The following RGS6 variants were observed in gnomAD, a reference collection of about 807,000 sequenced individuals.
RGS6 encodes regulator of G protein signaling 6.
A neutral mutation model predicts 78.5 loss-of-function variants in RGS6; 30 were observed. The ratio of observed to expected loss-of-function variants is 0.38; its 90% CI spans 0.29 to 0.52. The LOEUF is 0.52. Ranked by LOEUF, RGS6 falls within the 20% of genes least tolerant of loss-of-function variation. The probability of loss-of-function intolerance (pLI) is 0.85; values close to 1 mark genes in which losing one functional copy is unlikely to be tolerated. For missense variants in RGS6, 495 were observed against 609.7 expected, an observed-to-expected ratio of 0.81 and a Z score of 1.98; for synonymous variants, 206 against 206.0, an observed-to-expected ratio of 1.00 and a Z score of 0.00.
the RGS6 span, among the ~76,000 whole-genome samples, chr14:72,616,485 G>A: frequency 9.2e-5 from 14 of 152,262 alleles, no homozygotes; most frequent in South Asian, 6.2e-4. Context: ...TGAAGAAGAC[G>A]TCTAACATTG....
intron 2 of RGS6, among the ~76,000 whole-genome samples, chr14:72,259,843 G>A (rs920498332): frequency 1.3e-5 from 2 of 148,780 alleles, no homozygotes; most frequent in African/African-American, 5.0e-5. Context: ...CCCGGGAGGC[G>A]GAGCTTGCAG....
intron 2 of RGS6, among the ~76,000 whole-genome samples, chr14:72,014,610 T>C (rs2086575684): frequency 6.6e-6 from 1 of 152,236 alleles, no homozygotes; most frequent in South Asian, 2.1e-4. Flanking sequence ...TGAGCATTTG[T>C]TCTAAACATG....
chr14:72,545,145 A>G (rs1305575977), intron 17 of RGS6, among the ~76,000 whole-genome samples: 1 of 152,248 alleles, frequency 6.6e-6, no homozygotes, highest in East Asian at 1.9e-4. Flanking sequence ...TTGGCTAAAA[A>G]TCTTTCCAAA....
chr14:72,525,555 G>A lies in RGS6; in HGVS notation c.1278+7018G>A, dbSNP rs576351083. On this transcript the variant is annotated intron_variant, in intron 15 of 17. Transcript: ENST00000553525. ...GCAAAACGTTTATATTATTACCTAAGTGTAGATGTTTAAATGCAACTTGAT... is the reference window on the plus strand; with the variant it reads ...GCAAAACGTTTATATTATTACCTAAATGTAGATGTTTAAATGCAACTTGAT... Among the ~76,000 whole-genome samples, 76 of 152,342 alleles carry A rather than the reference G, an allele frequency of 5.0e-4. 1 individual carries two copies. Among genetic ancestry groups the A allele is most frequent in the African/African-American group, 1.8e-3 (76 of 41,572 alleles).
At chr14:72,463,914 T>C (rs933274101) in intron 6 of RGS6, among the ~76,000 whole-genome samples, 4 of 152,132 alleles carry the variant, frequency 2.6e-5, no homozygotes, top group Non-Finnish European at 5.9e-5. Flanking sequence ...AAGTAGAAAA[T>C]CATTTTTAAA....
intron 2 of RGS6, among the ~76,000 whole-genome samples, chr14:72,143,467 T>C (rs1398805400): frequency 1.3e-5 from 2 of 152,234 alleles, no homozygotes; most frequent in African/African-American, 4.8e-5. Context: ...ATAACATTAA[T>C]TTTTGTTGTA....
intron 2 of RGS6, among the ~76,000 whole-genome samples, chr14:72,052,979 TTC>T (rs2093365298): frequency 1.9e-5 from 1 of 53,688 alleles, no homozygotes; most frequent in African/African-American, 1.0e-4. Context: ...CTTTCTTTCT[TTC>T]TTTCTCTCTC....
At chr14:71,885,817 A>G in the RGS6 span, among the ~76,000 whole-genome samples, 1 of 152,152 alleles carries the variant, frequency 6.6e-6, no homozygotes, top group Non-Finnish European at 1.5e-5. Flanking sequence ...TCTTTCACCC[A>G]TATAGTGTCT....
intron 2 of RGS6, among the ~76,000 whole-genome samples, chr14:72,133,432 A>C (rs2096370651): frequency 6.6e-6 from 1 of 152,172 alleles, no homozygotes; most frequent in Non-Finnish European, 1.5e-5. Context: ...GAGCACACTG[A>C]GACTTTAAGC....
At chr14:72,536,957 T>A (rs1055799225) in intron 16 of RGS6, among the ~76,000 whole-genome samples, 2 of 152,024 alleles carry the variant, frequency 1.3e-5, no homozygotes, top group African/African-American at 4.8e-5. Context: ...GCCCTCAGCA[T>A]GCAGGTGAGG....
chr14:71,875,215 A>C, the RGS6 span, among the ~76,000 whole-genome samples: 1 of 152,190 alleles, frequency 6.6e-6, no homozygotes, highest in Non-Finnish European at 1.5e-5. Flanking sequence ...TTTCAGAAGG[A>C]ATGGTACCAG....
chr14:71,994,634 A>G (rs376621630), intron 2 of RGS6, among the ~76,000 whole-genome samples: 7 of 152,252 alleles, frequency 4.6e-5, no homozygotes, highest in African/African-American at 1.7e-4. Context: ...AGGTCATACA[A>G]AAGTAGGGTG....
At chr14:71,894,905 C>T in the RGS6 span, among the ~76,000 whole-genome samples, 1 of 152,016 alleles carries the variant, frequency 6.6e-6, no homozygotes, top group Non-Finnish European at 1.5e-5. Context: ...GCTGGGATTA[C>T]AGGCACGAGC....
rs2153229192 is a variant in RGS6 at position 72,454,626 on chromosome 14, A to T, written c.235+48A>T. ...CTTATCTCCCCTGGTATCAGTAAAC[A>T]TCCCATAACCAAGTTCCAAACTAGA... On this transcript the variant is annotated intron_variant, in intron 4 of 17. Coordinates refer to ENST00000553525, the MANE Select transcript of RGS6 (RefSeq NM_001204424.2). The T allele has an allele frequency of 2.6e-6, 4 of 1,534,268 alleles. No individual in the cohort carries two copies. The South Asian group carries it at 3.5e-5, about 13-fold the overall frequency.
intron 4 of RGS6, among the ~76,000 whole-genome samples, chr14:72,456,181 A>G (rs2095624843): frequency 6.6e-6 from 1 of 152,210 alleles, no homozygotes; most frequent in Admixed American, 6.5e-5. Flanking sequence ...ACCATTTGTC[A>G]GCTGGGAATA....
At chr14:72,126,077 C>T (rs369703959) in intron 2 of RGS6, among the ~76,000 whole-genome samples, 3 of 152,304 alleles carry the variant, frequency 2.0e-5, no homozygotes, top group African/African-American at 4.8e-5. Flanking sequence ...GGTTAGCCCT[C>T]GCTTTCAGAG....
chr14:72,178,776 A>G (rs2097138107), intron 2 of RGS6, among the ~76,000 whole-genome samples: 1 of 152,220 alleles, frequency 6.6e-6, no homozygotes, highest in South Asian at 2.1e-4. Context: ...AGTAGTGAAC[A>G]TCTCAGGTAA....
chr14:72,465,797 G>A lies in RGS6; in HGVS notation c.434G>A (p.Arg145Lys). 2 of 1,613,838 alleles carry A rather than the reference G, an allele frequency of 1.2e-6. No individual in the cohort carries two copies. Among genetic ancestry groups the A allele is most frequent in the Non-Finnish European group, 1.7e-6 (2 of 1,179,746 alleles). Reference protein sequence around the residue: ...LCKRTMQNKARLELADYEAEN... With the variant: ...LCKRTMQNKAKLELADYEAEN... The stretch of plus-strand genomic sequence containing the variant: ...AAGAGGACAATGCAAAATAAAGCAA[G>A]GCTGGAACTGGCAGATTATGAAGCA... Residue 145 changes from arginine (R) to lysine (K), a missense_variant, in exon 7 of 18, where the codon AGG (arginine) becomes AAG (lysine). Physicochemically the swap from Arg to Lys is conservative, Grantham distance 26. Transcript: ENST00000553525.
intron 3 of RGS6, among the ~76,000 whole-genome samples, chr14:72,379,129 A>G (rs996120414): frequency 6.6e-6 from 1 of 152,162 alleles, no homozygotes; most frequent in African/African-American, 2.4e-5. Flanking sequence ...ATACAATTCA[A>G]CATCCCATCA....
Sources: gnomAD v4.1 joint callset for allele counts (sites outside exome capture counted in the v4.1 genomes callset) on GRCh38, gnomAD v4.1.1 for gene constraint, MANE v1.5 for transcripts, NCBI Gene and HGNC (gene_info 2026-07-23, HGNC 2026-07-21) for gene names.